PELI2: variants seen among roughly 807,000 people sequenced by gnomAD.
PELI2 encodes pellino E3 ubiquitin protein ligase family member 2.
PELI2 carries 23 observed loss-of-function variants against 42.3 expected under a neutral mutation model. The ratio of observed to expected loss-of-function variants is 0.54; its 90% CI spans 0.39 to 0.77. The LOEUF (loss-of-function observed/expected upper bound fraction) is 0.77, where lower values mean the gene tolerates loss of function less well. Ranked by LOEUF, PELI2 falls within the 30% of genes least tolerant of loss-of-function variation. The pLI, the probability that PELI2 is intolerant of heterozygous loss-of-function variation, is 0.00. For missense variants in PELI2, 463 were observed against 553.2 expected, an observed-to-expected ratio of 0.84 and a Z score of 1.64; for synonymous variants, 245 against 212.2, an observed-to-expected ratio of 1.15 and a Z score of -1.34.
chr14:56,142,512 T>G (rs2139605865), intron 1 of PELI2, among the ~76,000 whole-genome samples: 1 of 152,336 alleles, frequency 6.6e-6, no homozygotes, highest in Middle Eastern at 3.4e-3. Flanking sequence ...AGTAGAAATG[T>G]ACTAAACAAG....
rs145163033 is a variant in PELI2, at chr14:56,122,748, T to G, written c.77+4011T>G. 1.0e-3 allele frequency among the ~76,000 whole-genome samples: 153 copies of G among 152,338 alleles called. 1 individual carries two copies. The highest frequency in any genetic ancestry group is 3.0e-3 in the African/African-American group (126 of 41,582). On this transcript the variant is annotated intron_variant, in intron 1 of 5. Coordinates refer to ENST00000267460, the MANE Select transcript of PELI2 (RefSeq NM_021255.3). Reference sequence around the variant, plus strand: ...GTCTTGATTTTCATGATATTCAAACTGCAGTTTAGCATTTTCATTCACTTA... The same window carrying G: ...GTCTTGATTTTCATGATATTCAAACGGCAGTTTAGCATTTTCATTCACTTA...
At position 56,295,975 on chromosome 14, in the gene PELI2, A is replaced by G. The variant is rs570466733; in HGVS notation, c.697-625A>G. ...GGTCACGTTCTTGCTGACCACGCCT[A>G]GCTGCTGCTTGTCAGCTGTTAATCA... On this transcript the variant is annotated intron_variant, in intron 5 of 5. Coordinates refer to ENST00000267460, the MANE Select transcript of PELI2 (RefSeq NM_021255.3). 1.5e-4 allele frequency among the ~76,000 whole-genome samples: 23 copies of G among 152,384 alleles called. 1 individual carries two copies. In the South Asian group the frequency reaches 4.6e-3, roughly 30 times the overall value.
intron 2 of PELI2, among the ~76,000 whole-genome samples, chr14:56,228,405 C>G (rs560169362): frequency 6.6e-6 from 1 of 152,234 alleles, no homozygotes; most frequent in African/African-American, 2.4e-5. Flanking sequence ...CTGATCTATA[C>G]TATATATCTA....
intron 2 of PELI2, among the ~76,000 whole-genome samples, chr14:56,239,582 G>T (rs1346347193): frequency 6.6e-6 from 1 of 152,098 alleles, no homozygotes; most frequent in Non-Finnish European, 1.5e-5. Flanking sequence ...ATTCTCGTTT[G>T]ATTTCCACAA....
At chr14:56,155,001 G>T (rs1031204326) in intron 1 of PELI2, among the ~76,000 whole-genome samples, 7 of 152,104 alleles carry the variant, frequency 4.6e-5, no homozygotes, top group African/African-American at 1.7e-4. Flanking sequence ...AAAAATGTTT[G>T]TTAGCCATTG....
Position 56,178,469 on chromosome 14 carries a change from G to A in PELI2, c.207+5G>A, listed in dbSNP as rs750520040. The A allele has an allele frequency of 1.9e-6, 3 of 1,614,156 alleles. No homozygotes were observed. The highest frequency in any genetic ancestry group is 2.5e-6 in the Non-Finnish European group (3 of 1,179,990). The stretch of plus-strand genomic sequence containing the variant: ...TCCACGCCCCAGGCATCCAAGGTAG[G>A]TGGGTCTGTCAAGAGTTGGGAGGGT... On this transcript the variant is annotated splice_donor_5th_base_variant and intron_variant, in intron 2 of 5. Transcript: ENST00000267460.
At chr14:56,143,163 T>C (rs559090234) in intron 1 of PELI2, among the ~76,000 whole-genome samples, 5 of 152,348 alleles carry the variant, frequency 3.3e-5, no homozygotes, top group African/African-American at 1.2e-4. Flanking sequence ...ATGACTCTTT[T>C]GTTGAGTACT....
rs1421384305 is a variant in PELI2, at chr14:56,298,416, T to C, written c.*1250T>C. 6.6e-6 allele frequency: 1 copy of C among 152,544 alleles called. No individual in the cohort carries two copies. The highest frequency in any genetic ancestry group is 2.4e-5 in the African/African-American group (1 of 41,470). 9.4% of individuals were successfully genotyped at this position (152,544 alleles called of 1,614,324 possible). A position where few individuals can be genotyped will look rare whatever the true frequency, so the allele number is the denominator to read the frequency against. ...TTCATTTCATTTTGATTAATAATTC[T>C]TGGATGCTTGGCATCGATCGTATCA... On this transcript the variant is annotated 3_prime_UTR_variant, in exon 6 of 6. Transcript: ENST00000267460.
chr14:56,273,258 C>G lies in PELI2; in HGVS notation c.208-6418C>G, dbSNP rs896675431. Among the ~76,000 whole-genome samples the G allele has an allele frequency of 6.6e-6, 1 of 152,196 alleles. No individual in the cohort carries two copies. The highest frequency in any genetic ancestry group is 2.4e-5 in the African/African-American group (1 of 41,450). Reference sequence around the variant, plus strand: ...TCCCTGTGGCTTTGGCTTCTTGGAGCCTAGTGGCATGTACGTAGTCAGGCT... The same window carrying G: ...TCCCTGTGGCTTTGGCTTCTTGGAGGCTAGTGGCATGTACGTAGTCAGGCT... On this transcript the variant is annotated intron_variant, in intron 2 of 5. Transcript: ENST00000267460. The surrounding 1 kb of genome is among the most constrained non-coding windows in gnomAD (Gnocchi z 4.3).
intron 1 of PELI2, among the ~76,000 whole-genome samples, chr14:56,170,451 G>A (rs1885124834): frequency 6.6e-6 from 1 of 152,118 alleles, no homozygotes; most frequent in Non-Finnish European, 1.5e-5. Context: ...TCTTTGCACT[G>A]TATGCCAAAA....
In PELI2 at chr14:56,254,639, A is replaced by G. The variant is rs545729543; in HGVS notation, c.208-25037A>G. 9.6e-4 allele frequency among the ~76,000 whole-genome samples: 146 copies of G among 152,198 alleles called. 2 individuals carry two copies. The highest frequency in any genetic ancestry group is 1.9e-3 in the Non-Finnish European group (128 of 68,030). On this transcript the variant is annotated intron_variant, in intron 2 of 5. Transcript: ENST00000267460. ...TGGCAACAAAAGCCAAAATTGACAA[A>G]TGGGATCTAAGTAAACTAAAGAGCT...
At chr14:56,141,633 T>C (rs1277321984) in intron 1 of PELI2, among the ~76,000 whole-genome samples, 1 of 152,170 alleles carries the variant, frequency 6.6e-6, no homozygotes, top group Non-Finnish European at 1.5e-5. Context: ...AGAAGGCACC[T>C]CTTCACAGGT....
intron 1 of PELI2, among the ~76,000 whole-genome samples, chr14:56,146,704 G>A (rs543866396): frequency 6.6e-6 from 1 of 152,190 alleles, no homozygotes; most frequent in Admixed American, 6.5e-5. Flanking sequence ...TTCTAGCACA[G>A]TCTTCATTAC....
chr14:56,249,027 G>T (rs914390513), intron 2 of PELI2, among the ~76,000 whole-genome samples: 6 of 152,176 alleles, frequency 3.9e-5, no homozygotes, highest in African/African-American at 1.4e-4. Flanking sequence ...TCCCACAAAG[G>T]CTTGAGTACT....
chr14:56,298,103 G>GA lies in PELI2; in HGVS notation c.*937_*938insA, dbSNP rs1555354963. On this transcript the variant is annotated 3_prime_UTR_variant, in exon 6 of 6. Transcript: ENST00000267460. Reference sequence around the variant, plus strand: ...CACTTGAGGTTTCATAAAGCTTGGGGTTTTTTTTTTTCCTTTGTTAAGAAA... The same window carrying GA: ...CACTTGAGGTTTCATAAAGCTTGGGGATTTTTTTTTTTCCTTTGTTAAGAAA... 2 of 146,450 alleles carry GA rather than the reference G, an allele frequency of 1.4e-5. No individual in the cohort carries two copies. The highest frequency in any genetic ancestry group is 2.5e-5 in the African/African-American group (1 of 40,202). The allele number at this position is 146,450 out of a possible 1,614,324, so 9.1% of individuals were successfully genotyped here. A position where few individuals can be genotyped will look rare whatever the true frequency, so the allele number is the denominator to read the frequency against.
chr14:56,121,087 AT>A (rs1391243555), intron 1 of PELI2, among the ~76,000 whole-genome samples: 2 of 152,170 alleles, frequency 1.3e-5, no homozygotes, highest in Non-Finnish European at 2.9e-5. Flanking sequence ...AATTAATATC[AT>A]CTTTATGATA....
At chr14:56,241,969 C>T (rs1454445510) in intron 2 of PELI2, among the ~76,000 whole-genome samples, 1 of 152,156 alleles carries the variant, frequency 6.6e-6, no homozygotes, top group Non-Finnish European at 1.5e-5. Flanking sequence ...ATGAAGGAAA[C>T]GAGATCCAGC....
chr14:56,217,884 C>G (rs565577989), intron 2 of PELI2, among the ~76,000 whole-genome samples: 1 of 152,312 alleles, frequency 6.6e-6, no homozygotes, highest in South Asian at 2.1e-4. Flanking sequence ...ACTGTTTAGT[C>G]AGGCTCTTGC....
chr14:56,187,682 A>G (rs898480375), intron 2 of PELI2, among the ~76,000 whole-genome samples: 8 of 152,302 alleles, frequency 5.3e-5, no homozygotes, highest in South Asian at 2.1e-4. Context: ...AAGTCCTCCC[A>G]TTGCTGACTG....
Sources: allele counts gnomAD v4.1 joint callset (sites outside exome capture counted in the v4.1 genomes callset), GRCh38; gene constraint gnomAD v4.1.1; non-coding constraint Gnocchi (gnomAD v3.1); transcripts MANE v1.5; gene names NCBI Gene and HGNC (gene_info 2026-07-23, HGNC 2026-07-21).